The following DCAKD variants were observed in gnomAD, a reference collection of about 807,000 sequenced individuals.
DCAKD encodes the protein dephospho-CoA kinase domain-containing protein.
A neutral mutation model predicts 18.7 loss-of-function variants in DCAKD; 15 were observed. The observed-to-expected ratio is 0.80, with a 90% CI of 0.54 to 1.24. The LOEUF (loss-of-function observed/expected upper bound fraction) is 1.24. Ranked by LOEUF, DCAKD falls within the 50% of genes most tolerant of loss-of-function variation. The pLI is 0.00. For synonymous variants in DCAKD, 130 were observed against 133.0 expected, an observed-to-expected ratio of 0.98 and a Z score of 0.16; for missense variants, 301 against 322.0, an observed-to-expected ratio of 0.93 and a Z score of 0.50.
chr17:45,040,318 C>A (rs1245206856), intron 1 of DCAKD, among the ~76,000 whole-genome samples: 2 of 140,068 alleles, frequency 1.4e-5, no homozygotes, highest in Admixed American at 1.6e-4. Context: ...ACCCGGGAGG[C>A]GGAGGTTGCG....
At chr17:45,052,662 C>CTAA (rs2143400039), upstream of DCAKD, among the ~76,000 whole-genome samples, 1 of 149,442 alleles carries the variant, frequency 6.7e-6, no homozygotes, top group African/African-American at 2.5e-5. Flanking sequence ...CGAGACCAGC[C>CTAA]TAAACAAGAG....
At chr17:45,029,340 A>G (rs1041874564) in intron 4 of DCAKD, among the ~76,000 whole-genome samples, 7 of 152,252 alleles carry the variant, frequency 4.6e-5, no homozygotes, top group African/African-American at 1.4e-4. Flanking sequence ...GGAGCCTCCA[A>G]TGCCTTAGGC....
chr17:45,031,359 T>A lies in DCAKD; in HGVS notation c.317-1180A>T, dbSNP rs186786051. The A allele has an allele frequency of 4.8e-4, 477 of 985,004 alleles. 2 individuals carry two copies. The Middle Eastern group carries it at 0.011, about 24-fold the overall frequency. 61.0% of individuals were successfully genotyped at this position (985,004 alleles called of 1,614,324 possible). ...CATAGGCTCTGATGACACACCTTGG[T>A]TGGTAGCCCCCCCACCTTCCCCACC... On this transcript the variant is annotated intron_variant, in intron 3 of 4. Coordinates refer to ENST00000651974, the MANE Select transcript of DCAKD (RefSeq NM_001288655.2).
At chr17:45,026,534 T>G in intron 4 of DCAKD, 1 of 914,478 alleles carries the variant, frequency 1.1e-6, no homozygotes, top group Non-Finnish European at 1.3e-6. Flanking sequence ...TTTTTTATTT[T>G]TAAATAAATA....
upstream of DCAKD, chr17:45,054,085 G>A (rs761338175): frequency 5.8e-6 from 3 of 518,824 alleles, no homozygotes; most frequent in South Asian, 2.8e-5. Context: ...CAACAGTCAA[G>A]GAGACCTACT....
At chr17:45,033,485 C>T (rs913985002) in intron 3 of DCAKD, among the ~76,000 whole-genome samples, 4 of 152,098 alleles carry the variant, frequency 2.6e-5, no homozygotes, top group East Asian at 1.9e-4. Flanking sequence ...TTTTTTGAGA[C>T]GGAGTCTTGC....
chr17:45,034,151 G>A (rs1287087346), intron 3 of DCAKD, 36 bp downstream of exon 3: 3 of 1,612,820 alleles, frequency 1.9e-6, no homozygotes, highest in African/African-American at 1.3e-5. Flanking sequence ...GCCCTGGAAG[G>A]AGGCCCCGCC....
Position 45,024,378 on chromosome 17 carries a change from T to G in DCAKD, c.*55A>C, listed in dbSNP as rs1334157898. The G allele has an allele frequency of 6.5e-7, 1 of 1,536,578 alleles. No individual in the cohort carries two copies. Among genetic ancestry groups the G allele is most frequent in the Non-Finnish European group, 8.8e-7 (1 of 1,134,326 alleles). The stretch of plus-strand genomic sequence containing the variant: ...GAGGAAACAGGATGTGTTACCTGGC[T>G]TCAGCCTCCAAGGAGATAGATGGAG... On this transcript the variant is annotated 3_prime_UTR_variant, in exon 5 of 5. Coordinates refer to ENST00000651974, the MANE Select transcript of DCAKD (RefSeq NM_001288655.2).
rs937059242 is a variant in DCAKD, at chr17:45,051,411, CAA to C, written c.-167_-166del. 13 of 152,116 alleles carry C rather than the reference CAA, an allele frequency of 8.5e-5. No homozygotes were observed. Among genetic ancestry groups the C allele is most frequent in the Admixed American group, 5.2e-4 (8 of 15,280 alleles). 9.4% of individuals were successfully genotyped at this position (152,116 alleles called of 1,614,324 possible). On this transcript the variant is annotated 5_prime_UTR_variant, in exon 1 of 5. Coordinates refer to ENST00000651974, the MANE Select transcript of DCAKD (RefSeq NM_001288655.2). ...CTCAATACATCGTAACTCAGGCTTT[CAA>C]AAGAGGCCCGTACGCCCCACTAGGC...
At position 45,059,542 on chromosome 17, in the gene DCAKD, T is replaced by G. The variant is rs551048378; in HGVS notation, c.-118+1346A>C. Among the ~76,000 whole-genome samples the G allele has an allele frequency of 3.9e-5, 6 of 152,340 alleles. No individual in the cohort carries two copies. The South Asian group carries it at 1.2e-3, about 32-fold the overall frequency. On this transcript the variant is annotated intron_variant, in intron 1 of 4. Coordinates refer to the DCAKD transcript ENST00000310604. Reference sequence around the variant, plus strand: ...AATCAAAAGAGTGAGACTCAGGGACTGAAACATTCAATCAAGGTTAAAAAC... The same window carrying G: ...AATCAAAAGAGTGAGACTCAGGGACGGAAACATTCAATCAAGGTTAAAAAC...
At chr17:45,056,917 G>A (rs887223918) in intron 1 of DCAKD, among the ~76,000 whole-genome samples, 9 of 151,870 alleles carry the variant, frequency 5.9e-5, no homozygotes, top group East Asian at 1.9e-4. Context: ...ACAGACGCCC[G>A]CCACCACGTC....
chr17:45,034,730 G>C, intron 2 of DCAKD, 44 bp downstream of exon 2: 1 of 1,594,148 alleles, frequency 6.3e-7, no homozygotes, highest in South Asian at 1.1e-5. Context: ...CGGAAGCGTG[G>C]GGAGCTGCTG....
upstream of DCAKD, among the ~76,000 whole-genome samples, chr17:45,054,706 T>C (rs1420566214): frequency 6.6e-6 from 1 of 152,126 alleles, no homozygotes; most frequent in Non-Finnish European, 1.5e-5. Context: ...GATCAAACAA[T>C]GTATAGCTAA....
intron 1 of DCAKD, among the ~76,000 whole-genome samples, chr17:45,044,648 T>C (rs4793181): frequency 0.66 from 99,560 of 151,242 alleles, 33,428 homozygotes; most frequent in African/African-American, 0.78. Flanking sequence ...GCCGAGATTG[T>C]GCCATTGCAC....
intron 3 of DCAKD, among the ~76,000 whole-genome samples, chr17:45,030,754 T>C (rs2053157938): frequency 6.6e-6 from 1 of 152,224 alleles, no homozygotes; most frequent in African/African-American, 2.4e-5. Flanking sequence ...GAGGCTCACG[T>C]TGGGGCGGCA....
At position 45,024,503 on chromosome 17, in the gene DCAKD, A is replaced by G; in HGVS notation, c.626T>C (p.Val209Ala). The G allele has an allele frequency of 6.2e-7, 1 of 1,613,780 alleles. No homozygotes were observed. The highest frequency in any genetic ancestry group is 8.5e-7 in the Non-Finnish European group (1 of 1,179,768). ...SLEYLPLRFG[V>A]LTGLAAIASL... ...GGCAATGGCAGCGAGCCCTGTGAGG[A>G]CCCCAAACCTCAGCGGCAGGTACTC... The change falls in exon 5 of 5, where the codon GTC becomes GCC. Residue 209 changes from valine (V) to alanine (A), a missense_variant. Coordinates refer to ENST00000651974, the MANE Select transcript of DCAKD (RefSeq NM_001288655.2).
At chr17:45,060,254 T>A (rs938995542) in intron 1 of DCAKD, among the ~76,000 whole-genome samples, 1 of 152,096 alleles carries the variant, frequency 6.6e-6, no homozygotes, top group African/African-American at 2.4e-5. Flanking sequence ...CTGGGTGCCG[T>A]GGCTCACGTC....
chr17:45,055,734 T>C (rs374325418), upstream of DCAKD, among the ~76,000 whole-genome samples: 238 of 152,312 alleles, frequency 1.6e-3, 2 homozygotes, highest in African/African-American at 5.6e-3. Flanking sequence ...TCTTAGGCAC[T>C]GTGCTAGAAC....
intron 1 of DCAKD, among the ~76,000 whole-genome samples, chr17:45,039,736 G>A (rs1440507584): frequency 1.3e-5 from 2 of 152,250 alleles, no homozygotes; most frequent in African/African-American, 4.8e-5. Context: ...CAAGAACGGT[G>A]CAGCTCCCCA....
Sources: gnomAD v4.1 joint callset for allele counts (sites outside exome capture counted in the v4.1 genomes callset) on GRCh38, gnomAD v4.1.1 for gene constraint, MANE v1.5 for transcripts, NCBI Gene and HGNC (gene_info 2026-07-23, HGNC 2026-07-21) for gene names.